Variants in RELCH observed in about 807,000 individuals in gnomAD.
The protein encoded by RELCH is RAB11-binding protein RELCH.
A neutral mutation model predicts 150.3 loss-of-function variants in RELCH; 41 were observed. The ratio of observed to expected loss-of-function variants is 0.27; its 90% CI spans 0.21 to 0.35. RELCH has a LOEUF of 0.35. Among genes scored for constraint, RELCH ranks in the 10% least tolerant of loss-of-function variants. RELCH has a pLI of 1.00. For synonymous variants in RELCH, 478 were observed against 531.8 expected (o/e 0.90, Z 1.39); for missense variants, 1,092 against 1,467.8 (o/e 0.74, Z 4.18).
At chr18:62,268,817 C>A in intron 19 of RELCH, 52 bp from the exon 20 acceptor site, 1 of 930,238 alleles carries the variant, frequency 1.1e-6, no homozygotes, top group Non-Finnish European at 1.6e-6. Flanking sequence ...TGATTTTTTT[C>A]TTTACACTTA....
chr18:62,275,544 T>G (rs116229584), intron 22 of RELCH, 71 bp downstream of exon 22: 4 of 928,776 alleles, frequency 4.3e-6, no homozygotes, highest in Admixed American at 4.0e-5. Flanking sequence ...AGAAGGGAAT[T>G]TTTTTTAATA....
At chr18:62,298,101 C>T (rs972648331) in intron 27 of RELCH, among the ~76,000 whole-genome samples, 3 of 151,470 alleles carry the variant, frequency 2.0e-5, no homozygotes, top group South Asian at 2.1e-4. Flanking sequence ...TATCCCCCCC[C>T]GTCTAAAAAG....
intron 20 of RELCH, among the ~76,000 whole-genome samples, chr18:62,269,748 G>A (rs916508366): frequency 2.0e-5 from 3 of 152,028 alleles, no homozygotes; most frequent in Admixed American, 6.6e-5. Flanking sequence ...CATCAATACA[G>A]CGAAAAAATA....
rs945939618 is a variant in RELCH, at chr18:62,282,196, G to C, written c.3115-110G>C. The C allele has an allele frequency of 5.2e-6, 4 of 769,966 alleles. No individual in the cohort carries two copies. The East Asian group carries it at 1.1e-4, about 21-fold the overall frequency. The allele number at this position is 769,966 out of a possible 1,614,324, so 47.7% of individuals were successfully genotyped here. A position where few individuals can be genotyped will look rare whatever the true frequency, so the allele number is the denominator to read the frequency against. On this transcript the variant is annotated intron_variant, in intron 24 of 28. Coordinates refer to ENST00000644646, the MANE Select transcript of RELCH (RefSeq NM_001346231.2). ...AATTTCTACTGTCATTGGACTATAG[G>C]TTGCTTTAATCCACTGCTTTAAGTC... is the stretch of plus-strand genomic sequence containing the variant.
chr18:62,247,656 C>T (rs1208237950), intron 11 of RELCH, among the ~76,000 whole-genome samples: 1 of 151,868 alleles, frequency 6.6e-6, no homozygotes, highest in Non-Finnish European at 1.5e-5. Flanking sequence ...GTGATTCTCC[C>T]ACCTCCCAAG....
chr18:62,196,500 G>A (rs1043543151), intron 1 of RELCH, among the ~76,000 whole-genome samples: 1 of 152,156 alleles, frequency 6.6e-6, no homozygotes, highest in Non-Finnish European at 1.5e-5. Flanking sequence ...AACGTGCTGG[G>A]ATTACAGGCG....
chr18:62,253,525 C>T (rs773467013), intron 12 of RELCH, among the ~76,000 whole-genome samples: 3 of 151,892 alleles, frequency 2.0e-5, no homozygotes, highest in Admixed American at 6.6e-5. Flanking sequence ...CTTATTTTTC[C>T]ACCTTAAAAA....
At chr18:62,198,193 T>A (rs999743712) in intron 1 of RELCH, among the ~76,000 whole-genome samples, 2 of 152,240 alleles carry the variant, frequency 1.3e-5, no homozygotes, top group African/African-American at 4.8e-5. Context: ...CATGTGATTG[T>A]AGGATATCTG....
rs1195005136 is a variant in RELCH at position 62,264,040 on chromosome 18, T to C, written c.2402T>C (p.Ile801Thr). 6.2e-7 allele frequency: 1 copy of C among 1,609,474 alleles called. No individual in the cohort carries two copies. Among genetic ancestry groups the C allele is most frequent in the Non-Finnish European group, 8.5e-7 (1 of 1,177,946 alleles). ...MSPLQDVSTIIGSREQLAVLL... is the reference protein window; with the variant it reads ...MSPLQDVSTITGSREQLAVLL... ...CCTCTTCAAGATGTGTCCACTATTATCGGAAGTCGTGAGCAATTGGCAGTG... is the reference window on the plus strand; with the variant it reads ...CCTCTTCAAGATGTGTCCACTATTACCGGAAGTCGTGAGCAATTGGCAGTG... The change falls in exon 17 of 29, where the codon ATC becomes ACC. Residue 801 changes from isoleucine (I) to threonine (T), a missense_variant. Transcript: ENST00000644646.
chr18:62,287,582 T>A, intron 26 of RELCH, 115 bp downstream of exon 26: 1 of 683,894 alleles, frequency 1.5e-6, no homozygotes, highest in Non-Finnish European at 2.6e-6. Context: ...TTAAGCGTTG[T>A]AGAAAATTGA....
Position 62,275,358 on chromosome 18 carries a change from T to C in RELCH, c.2868-16T>C. 1 of 1,459,006 alleles carries C rather than the reference T, an allele frequency of 6.9e-7. No individual in the cohort carries two copies. The highest frequency in any genetic ancestry group is 9.3e-7 in the Non-Finnish European group (1 of 1,077,604). The allele number at this position is 1,459,006 out of a possible 1,614,324, so 90.4% of individuals were successfully genotyped here. A position where few individuals can be genotyped will look rare whatever the true frequency, so the allele number is the denominator to read the frequency against. On this transcript the variant is annotated splice_polypyrimidine_tract_variant and intron_variant, in intron 21 of 28. Coordinates refer to ENST00000644646, the MANE Select transcript of RELCH (RefSeq NM_001346231.2). Reference sequence around the variant, plus strand: ...TGGCTCTCAATTTTAACACTGTTTTTTTTTTTTTCTTCTAGTGCAAACCCA... The same window carrying C: ...TGGCTCTCAATTTTAACACTGTTTTCTTTTTTTTCTTCTAGTGCAAACCCA...
At chr18:62,298,028 A>T (rs1456335097) in intron 27 of RELCH, among the ~76,000 whole-genome samples, 2 of 152,116 alleles carry the variant, frequency 1.3e-5, no homozygotes, top group African/African-American at 4.8e-5. Context: ...CTTTTTGTGT[A>T]TCTGTCTCTC....
At chr18:62,194,075 G>A (rs999714328) in intron 1 of RELCH, among the ~76,000 whole-genome samples, 5 of 152,032 alleles carry the variant, frequency 3.3e-5, no homozygotes, top group East Asian at 1.9e-4. Context: ...ACAAAACTCC[G>A]TCACTACAAA....
At chr18:62,278,192 C>A (rs1305493168) in intron 22 of RELCH, among the ~76,000 whole-genome samples, 1 of 152,082 alleles carries the variant, frequency 6.6e-6, no homozygotes, top group Non-Finnish European at 1.5e-5. Context: ...CTCTACATTA[C>A]CTCTTTTTTA....
At chr18:62,210,545 T>C (rs1162081713) in intron 1 of RELCH, among the ~76,000 whole-genome samples, 1 of 152,214 alleles carries the variant, frequency 6.6e-6, no homozygotes, top group Non-Finnish European at 1.5e-5. Flanking sequence ...TCTATTAGCA[T>C]TTTTTACATT....
intron 28 of RELCH, chr18:62,300,249 A>G (rs1470090967): frequency 1.3e-5 from 2 of 152,196 alleles, no homozygotes; most frequent in Admixed American, 1.3e-4. Flanking sequence ...GTCTAGATCT[A>G]GAGACTTAAT....
Sources: allele counts gnomAD v4.1 joint callset (sites outside exome capture counted in the v4.1 genomes callset), GRCh38; gene constraint gnomAD v4.1.1; transcripts MANE v1.5; gene names NCBI Gene and HGNC (gene_info 2026-07-23, HGNC 2026-07-21).